SMOC1: variants seen among roughly 807,000 people sequenced by gnomAD.
SMOC1 encodes the protein SPARC-related modular calcium-binding protein 1.
A neutral mutation model predicts 56.3 loss-of-function variants in SMOC1; 22 were observed. That is an observed-to-expected ratio of 0.39 (90% CI 0.28 to 0.56). The LOEUF is 0.56. Among genes scored for constraint, SMOC1 ranks in the 20% least tolerant of loss-of-function variants. The pLI is 0.61. For synonymous variants in SMOC1, 193 were observed against 215.0 expected (o/e 0.90, Z 0.89); for missense variants, 509 against 565.4 (o/e 0.90, Z 1.01).
intron 3 of SMOC1, among the ~76,000 whole-genome samples, chr14:69,961,911 A>G (rs1329768592): frequency 6.6e-6 from 1 of 152,078 alleles, no homozygotes; most frequent in Non-Finnish European, 1.5e-5. Flanking sequence ...ATCCTTGTCA[A>G]CACTTGTTAT....
intron 7 of SMOC1, among the ~76,000 whole-genome samples, chr14:69,999,442 C>G (rs556338518): frequency 6.6e-6 from 1 of 152,182 alleles, no homozygotes; most frequent in African/African-American, 2.4e-5. Context: ...AAGCAAATAC[C>G]CCATGGCCAC....
rs556616830 is a variant in SMOC1, at chr14:69,924,626, G to A, written c.100-27512G>A. ...CACATTCTTCTGCCTGTCTTGTACA[G>A]GGGAGGTAGAGGAGTTAGGGAGGTA... On this transcript the variant is annotated intron_variant, in intron 1 of 11. Transcript: ENST00000361956. Among the ~76,000 whole-genome samples the A allele has an allele frequency of 5.9e-5, 9 of 151,332 alleles. No individual in the cohort carries two copies. In the East Asian group the frequency reaches 1.8e-3, roughly 30 times the overall value.
intron 9 of SMOC1, among the ~76,000 whole-genome samples, chr14:70,012,985 C>G (rs1885393779): frequency 6.6e-6 from 1 of 152,122 alleles, no homozygotes; most frequent in South Asian, 2.1e-4. Context: ...TCCCACAGCC[C>G]CTAGTTCTTA....
At chr14:69,892,790 A>C (rs1032278663) in intron 1 of SMOC1, among the ~76,000 whole-genome samples, 1 of 152,190 alleles carries the variant, frequency 6.6e-6, no homozygotes, top group African/African-American at 2.4e-5. Context: ...GGATTCATTA[A>C]AAATCCTAAC....
At chr14:69,968,300 A>G (rs1883642973) in intron 3 of SMOC1, among the ~76,000 whole-genome samples, 1 of 152,214 alleles carries the variant, frequency 6.6e-6, no homozygotes, top group Admixed American at 6.5e-5. Context: ...AGATGACTCC[A>G]GACTCAATGA....
At chr14:69,984,725 C>T (rs1301373823) in intron 5 of SMOC1, among the ~76,000 whole-genome samples, 1 of 149,258 alleles carries the variant, frequency 6.7e-6, no homozygotes, top group Non-Finnish European at 1.5e-5. Flanking sequence ...CATGGTGGCA[C>T]GTGCCTGTAA....
chr14:69,947,430 A>G (rs749468552), intron 1 of SMOC1, among the ~76,000 whole-genome samples: 18 of 152,146 alleles, frequency 1.2e-4, no homozygotes, highest in Non-Finnish European at 2.6e-4. Context: ...TTGACCTCCC[A>G]AAGTGCTGGG....
In SMOC1 at chr14:69,879,739, C is replaced by A; in HGVS notation, c.61C>A (p.Leu21Met). 6.3e-7 allele frequency: 1 copy of A among 1,592,892 alleles called. No homozygotes were observed. The highest frequency in any genetic ancestry group is 1.7e-5 in the Admixed American group (1 of 59,128). Residue 21 changes from leucine (L) to methionine (M), a missense_variant, in exon 1 of 12, where the codon CTG becomes ATG. Physicochemically the swap from Leu to Met is conservative, Grantham distance 15. Coordinates refer to ENST00000361956, the MANE Select transcript of SMOC1 (RefSeq NM_001034852.3). ...TPHLLLVLVQLSPARGHRTTG... is the reference protein window; with the variant it reads ...TPHLLLVLVQMSPARGHRTTG... Reference sequence around the variant, plus strand: ...CCACTTGCTGCTGGTGTTGGTGCAGCTGTCCCCTGCTCGCGGCCACCGCAC... The same window carrying A: ...CCACTTGCTGCTGGTGTTGGTGCAGATGTCCCCTGCTCGCGGCCACCGCAC...
At chr14:69,895,867 CTTTTT>C (rs71448303) in intron 1 of SMOC1, among the ~76,000 whole-genome samples, 3 of 122,862 alleles carry the variant, frequency 2.4e-5, no homozygotes, top group Non-Finnish European at 3.5e-5. Context: ...CTCTTTTTTT[CTTTTT>C]TTTTTTTTTT....
intron 9 of SMOC1, 79 bp from the exon 10 acceptor site, chr14:70,013,307 A>G: frequency 7.7e-7 from 1 of 1,291,534 alleles, no homozygotes; most frequent in Non-Finnish European, 1.1e-6. Flanking sequence ...TGAGAAGTTT[A>G]GGAAAGGATG....
chr14:70,026,226 C>T (rs186759240), intron 11 of SMOC1, among the ~76,000 whole-genome samples: 1 of 152,306 alleles, frequency 6.6e-6, no homozygotes, highest in African/African-American at 2.4e-5. Flanking sequence ...GGGAAGAGAC[C>T]ATCCAGTGTC....
In SMOC1 at chr14:69,903,597, C is replaced by G. The variant is rs151163579; in HGVS notation, c.99+23820C>G. On this transcript the variant is annotated intron_variant, in intron 1 of 11. Coordinates refer to ENST00000361956, the MANE Select transcript of SMOC1 (RefSeq NM_001034852.3). ...GCCTTGGGATGCTGTTGATCTACGA[C>G]CTTACCCCCAACCCGGTGCTCTCTG... Among the ~76,000 whole-genome samples, 114 of 152,302 alleles carry G rather than the reference C, an allele frequency of 7.5e-4. 1 individual carries two copies. The East Asian group carries it at 0.02, about 27-fold the overall frequency.
intron 9 of SMOC1, 117 bp from the exon 10 acceptor site, chr14:70,013,269 A>G: frequency 2.3e-6 from 2 of 879,832 alleles, no homozygotes; most frequent in Non-Finnish European, 3.7e-6. Flanking sequence ...AAATCACTAA[A>G]GTGGATTTGG....
chr14:69,995,394 T>C (rs1044726447), intron 7 of SMOC1, among the ~76,000 whole-genome samples: 3 of 152,252 alleles, frequency 2.0e-5, no homozygotes, highest in Non-Finnish European at 4.4e-5. Context: ...TCACACGCCA[T>C]CAGTTGAGTT....
intron 1 of SMOC1, among the ~76,000 whole-genome samples, chr14:69,912,089 T>G (rs960950684): frequency 6.6e-6 from 1 of 152,220 alleles, no homozygotes; most frequent in African/African-American, 2.4e-5. Context: ...CATTATGATT[T>G]TAATTTGCAT....
In SMOC1 at chr14:69,991,432, G is replaced by A. The variant is rs765434468; in HGVS notation, c.527-985G>A. Among the ~76,000 whole-genome samples the A allele has an allele frequency of 2.0e-5, 3 of 152,050 alleles. No individual in the cohort carries two copies. In the South Asian group the frequency reaches 6.2e-4, roughly 32 times the overall value. On this transcript the variant is annotated intron_variant, in intron 5 of 11. Coordinates refer to ENST00000361956, the MANE Select transcript of SMOC1 (RefSeq NM_001034852.3). ...CTTTGCATTATTAAAATTTTATTAGGGAGATGATTAGGAAAAAATTACCTA... is the reference window on the plus strand; with the variant it reads ...CTTTGCATTATTAAAATTTTATTAGAGAGATGATTAGGAAAAAATTACCTA...
chr14:69,986,154 A>G (rs1884357116), intron 5 of SMOC1, among the ~76,000 whole-genome samples: 2 of 152,244 alleles, frequency 1.3e-5, no homozygotes, highest in South Asian at 2.1e-4. Flanking sequence ...AGCCCATTTC[A>G]AAAGGTTGTA....
At chr14:70,015,258 A>G (rs1477055711) in intron 10 of SMOC1, among the ~76,000 whole-genome samples, 1 of 152,178 alleles carries the variant, frequency 6.6e-6, no homozygotes, top group East Asian at 1.9e-4. Context: ...AGAAGCAGAG[A>G]GCAGAATGGT....
intron 1 of SMOC1, among the ~76,000 whole-genome samples, chr14:69,918,387 T>G (rs1594800852): frequency 6.6e-6 from 1 of 152,130 alleles, no homozygotes. Context: ...ACCACCATGC[T>G]TGGTTGGTTT....
Sources: allele counts gnomAD v4.1 joint callset (sites outside exome capture counted in the v4.1 genomes callset), GRCh38; gene constraint gnomAD v4.1.1; transcripts MANE v1.5; gene names NCBI Gene and HGNC (gene_info 2026-07-23, HGNC 2026-07-21).